PRRC2C: variants seen among roughly 807,000 people sequenced by gnomAD.
PRRC2C encodes the protein proline rich coiled-coil 2C.
Under a neutral mutation model 317.2 loss-of-function variants are expected in PRRC2C, and 72 were observed. The observed-to-expected ratio is 0.23, with a 90% CI of 0.19 to 0.28. The LOEUF (loss-of-function observed/expected upper bound fraction) is 0.28. PRRC2C is among the 10% of genes least tolerant of loss of function. PRRC2C has a pLI of 1.00. For synonymous variants in PRRC2C, 1,296 were observed against 1,205.9 expected (o/e 1.07, Z -1.55); for missense variants, 3,074 against 3,459.7 (o/e 0.89, Z 2.80).
intron 4 of PRRC2C, 40 bp from the exon 5 acceptor site, chr1:171,515,694 A>G (rs1672229490): frequency 2.0e-6 from 3 of 1,492,812 alleles, no homozygotes; most frequent in Non-Finnish European, 2.7e-6. Context: ...TATCTTCAGT[A>G]TAAAAGTTAC....
At chr1:171,579,614 C>T (rs1436153547) in intron 27 of PRRC2C, 148 bp downstream of exon 27, 7 of 1,400,358 alleles carry the variant, frequency 5.0e-6, no homozygotes, top group African/African-American at 1.4e-5. Context: ...TAAAATTTTT[C>T]CCAAATTTAC....
rs1240021333 is a variant in PRRC2C at position 171,579,367 on chromosome 1, C to T, written c.7173C>T (p.Ala2391=). ...VSQSAAAQIP[A]FYMDTSHLFN... ...GATGGTCTACAGCTCAAATCCCAGCCTTCTATATGGACACAAGTCATTTAT... is the reference window on the plus strand; with the variant it reads ...GATGGTCTACAGCTCAAATCCCAGCTTTCTATATGGACACAAGTCATTTAT... Residue 2391 remains alanine, a synonymous_variant, in exon 27 of 35, where the codon GCC becomes GCT. Transcript: ENST00000647382. The T allele has an allele frequency of 6.2e-7, 1 of 1,613,612 alleles. No individual in the cohort carries two copies. Among genetic ancestry groups the T allele is most frequent in the African/African-American group, 1.3e-5 (1 of 74,926 alleles).
rs745869177 is a variant in PRRC2C, at chr1:171,540,898, C to T, written c.3432C>T (p.Ile1144=). ...VKEEKQPEKV[I]SKDLVIERPR... ...AAGAAAAACAACCTGAGAAAGTCAT[C>T]AGCAAAGACCTTGTTATAGAGAGGC... Residue 1144 remains isoleucine, a synonymous_variant, in exon 16 of 35, where the codon ATC becomes ATT. Transcript: ENST00000647382. 6.2e-7 allele frequency: 1 copy of T among 1,613,670 alleles called. No individual in the cohort carries two copies. Among genetic ancestry groups the T allele is most frequent in the Non-Finnish European group, 8.5e-7 (1 of 1,179,774 alleles).
At chr1:171,498,624 C>T (rs532229304) in intron 1 of PRRC2C, among the ~76,000 whole-genome samples, 1 of 152,300 alleles carries the variant, frequency 6.6e-6, no homozygotes, top group South Asian at 2.1e-4. Context: ...TATCTTCATC[C>T]ACCTTGCTTT....
intron 20 of PRRC2C, among the ~76,000 whole-genome samples, chr1:171,564,002 T>C (rs975061189): frequency 6.6e-6 from 1 of 152,200 alleles, no homozygotes; most frequent in Non-Finnish European, 1.5e-5. Flanking sequence ...CTCATTTTTC[T>C]CTCATACCTT....
At chr1:171,578,081 C>T (rs1356972827) in intron 26 of PRRC2C, among the ~76,000 whole-genome samples, 3 of 151,302 alleles carry the variant, frequency 2.0e-5, no homozygotes, top group African/African-American at 7.3e-5. Flanking sequence ...TAGGCATGAG[C>T]CACCTCACCC....
At position 171,496,199 on chromosome 1, in the gene PRRC2C, C is replaced by CTT. The variant is rs528654548; in HGVS notation, c.-58+10487_-58+10488dup. Among the ~76,000 whole-genome samples the CTT allele has an allele frequency of 4.0e-3, 305 of 75,630 alleles. 14 individuals carry two copies. Among genetic ancestry groups the CTT allele is most frequent in the African/African-American group, 5.4e-3 (79 of 14,730 alleles). 49.6% of individuals were successfully genotyped at this position (75,630 alleles called of 152,430 possible). ...ATTTTTAGAGCTTTGATTTTTGTGC[C>CTT]TTTTTTTTTTTTTTTTTTTTTTTTG... On this transcript the variant is annotated intron_variant, in intron 1 of 34. Coordinates refer to ENST00000647382, the MANE Select transcript of PRRC2C (RefSeq NM_001387844.1).
intron 1 of PRRC2C, among the ~76,000 whole-genome samples, chr1:171,500,882 G>A (rs955754667): frequency 6.6e-6 from 1 of 151,972 alleles, no homozygotes; most frequent in Non-Finnish European, 1.5e-5. Context: ...TATGGAAAAT[G>A]CAGATGCACA....
intron 13 of PRRC2C, 146 bp from the exon 14 acceptor site, chr1:171,535,883 T>G (rs1184782589): frequency 9.0e-7 from 1 of 1,112,144 alleles, no homozygotes; most frequent in Admixed American, 2.5e-5. Context: ...GTTTTTTGTC[T>G]TGCCAACTCT....
intron 10 of PRRC2C, among the ~76,000 whole-genome samples, chr1:171,527,106 G>A (rs1674752545): frequency 6.6e-6 from 1 of 151,318 alleles, no homozygotes; most frequent in Non-Finnish European, 1.5e-5. Context: ...GTGCCCGGCT[G>A]AAATATTTCT....
chr1:171,552,971 C>T (rs1680594434), intron 18 of PRRC2C, among the ~76,000 whole-genome samples: 1 of 152,116 alleles, frequency 6.6e-6, no homozygotes, highest in Non-Finnish European at 1.5e-5. Context: ...TGATGCTGGC[C>T]TCATAAAATG....
chr1:171,581,503 G>T (rs962582665), intron 28 of PRRC2C, among the ~76,000 whole-genome samples: 3 of 152,170 alleles, frequency 2.0e-5, no homozygotes, highest in Non-Finnish European at 2.9e-5. Flanking sequence ...AAGACCAGAC[G>T]TGGTCAATAG....
chr1:171,563,059 A>C (rs1682994168), intron 20 of PRRC2C, among the ~76,000 whole-genome samples: 1 of 152,146 alleles, frequency 6.6e-6, no homozygotes, highest in Non-Finnish European at 1.5e-5. Flanking sequence ...CAATTGATAG[A>C]GTTACATGAT....
chr1:171,549,056 C>T (rs1196064709), intron 17 of PRRC2C, among the ~76,000 whole-genome samples: 1 of 152,060 alleles, frequency 6.6e-6, no homozygotes, highest in East Asian at 1.9e-4. Flanking sequence ...TTGCCCATAA[C>T]ATATATTTAT....
chr1:171,501,205 T>C (rs1669055016), intron 1 of PRRC2C, among the ~76,000 whole-genome samples: 5 of 151,644 alleles, frequency 3.3e-5, no homozygotes, highest in Non-Finnish European at 1.5e-5. Context: ...CAGGGTTCAC[T>C]ACAGCTTTGA....
chr1:171,524,069 T>A (rs1183883892), intron 9 of PRRC2C, among the ~76,000 whole-genome samples: 1 of 152,036 alleles, frequency 6.6e-6, no homozygotes, highest in Non-Finnish European at 1.5e-5. Context: ...GCTTGGCACC[T>A]AGTTTGGAGA....
rs1437187604 is a variant in PRRC2C, at chr1:171,587,234, A to C, written c.7968+13A>C. The stretch of plus-strand genomic sequence containing the variant: ...AACCACAGGAAAAGTAAGTAAAGAG[A>C]CATTTGCACAGGTTATTTGAGAATT... On this transcript the variant is annotated intron_variant, in intron 31 of 34. Coordinates refer to ENST00000647382, the MANE Select transcript of PRRC2C (RefSeq NM_001387844.1). 2 of 1,571,116 alleles carry C rather than the reference A, an allele frequency of 1.3e-6. No homozygotes were observed. Among genetic ancestry groups the C allele is most frequent in the African/African-American group, 2.7e-5 (2 of 74,048 alleles).
intron 20 of PRRC2C, among the ~76,000 whole-genome samples, chr1:171,563,261 T>C (rs1020093873): frequency 1.3e-5 from 2 of 152,188 alleles, no homozygotes; most frequent in African/African-American, 4.8e-5. Flanking sequence ...AATGAAGCAG[T>C]ATTTGCATGT....
Position 171,592,481 on chromosome 1 carries a change from C to T in PRRC2C, c.*634C>T, listed in dbSNP as rs1651632263. On this transcript the variant is annotated 3_prime_UTR_variant, in exon 35 of 35. Transcript: ENST00000647382. Reference sequence around the variant, plus strand: ...AGCAGATAAATATTGATGTCAGCATCCTTGAACCATATCAAAGTGAGCAGT... The same window carrying T: ...AGCAGATAAATATTGATGTCAGCATTCTTGAACCATATCAAAGTGAGCAGT... 6.6e-6 allele frequency: 1 copy of T among 152,208 alleles called. No homozygotes were observed. The highest frequency in any genetic ancestry group is 2.4e-5 in the African/African-American group (1 of 41,434). The allele number at this position is 152,208 out of a possible 1,614,324, so 9.4% of individuals were successfully genotyped here.
Sources: gnomAD v4.1 joint callset for allele counts (sites outside exome capture counted in the v4.1 genomes callset) on GRCh38, gnomAD v4.1.1 for gene constraint, MANE v1.5 for transcripts, NCBI Gene and HGNC (gene_info 2026-07-23, HGNC 2026-07-21) for gene names.